The following PSD3 variants were observed in gnomAD, a reference collection of about 807,000 sequenced individuals.
PSD3 encodes the protein PH and SEC7 domain-containing protein 3.
PSD3 carries 49 observed loss-of-function variants against 105.5 expected under a neutral mutation model. That is an observed-to-expected ratio of 0.46 (90% CI 0.37 to 0.59). The LOEUF is 0.59. Among genes scored for constraint, PSD3 ranks in the 20% least tolerant of loss-of-function variants. The pLI, the probability that PSD3 is intolerant of heterozygous loss-of-function variation, is 0.00. For missense variants in PSD3, 1,561 were observed against 1,263.8 expected (o/e 1.24, Z -3.57); for synonymous variants, 557 against 457.8 (o/e 1.22, Z -2.77).
At chr8:19,060,378 T>C (rs1200866978) in intron 1 of PSD3, among the ~76,000 whole-genome samples, 2 of 152,244 alleles carry the variant, frequency 1.3e-5, no homozygotes, top group East Asian at 1.9e-4. Flanking sequence ...TTTCCTTATA[T>C]CTGTAACCAC....
chr8:18,741,298 C>T (rs1349509312), intron 9 of PSD3, among the ~76,000 whole-genome samples: 2 of 152,094 alleles, frequency 1.3e-5, no homozygotes, highest in East Asian at 3.9e-4. Flanking sequence ...AGAAAGTGGA[C>T]TCTGAAAGCC....
intron 9 of PSD3, 23 bp from the exon 10 acceptor site, chr8:18,655,708 C>T: frequency 6.2e-7 from 1 of 1,605,662 alleles, no homozygotes; most frequent in Non-Finnish European, 8.5e-7. Context: ...AAAATGAGAT[C>T]ACATTATTCT....
At chr8:18,851,507 C>G (rs887051398) in intron 4 of PSD3, among the ~76,000 whole-genome samples, 1 of 152,252 alleles carries the variant, frequency 6.6e-6, no homozygotes, top group African/African-American at 2.4e-5. Context: ...GACCAGCCCT[C>G]TGCTACGAGG....
chr8:18,902,173 C>A (rs1269419896), intron 2 of PSD3, among the ~76,000 whole-genome samples: 1 of 152,148 alleles, frequency 6.6e-6, no homozygotes, highest in African/African-American at 2.4e-5. Context: ...TTTCCTTCTG[C>A]AAATCCCATA....
intron 11 of PSD3, among the ~76,000 whole-genome samples, chr8:18,600,951 T>C (rs1185531557): frequency 1.3e-5 from 2 of 152,186 alleles, no homozygotes; most frequent in East Asian, 3.8e-4. Flanking sequence ...AGTTTAAATG[T>C]TATTACTCCT....
chr8:18,737,842 T>C (rs775525771), intron 9 of PSD3, among the ~76,000 whole-genome samples: 12 of 152,162 alleles, frequency 7.9e-5, no homozygotes, highest in Non-Finnish European at 1.5e-4. Context: ...TACTTCTAAC[T>C]TTGATTTTGA....
At chr8:18,628,195 T>C (rs1806633171) in intron 11 of PSD3, among the ~76,000 whole-genome samples, 1 of 151,670 alleles carries the variant, frequency 6.6e-6, no homozygotes, top group Admixed American at 6.6e-5. Context: ...TAAGAAATAA[T>C]GGCTGAAAAA....
intron 1 of PSD3, among the ~76,000 whole-genome samples, chr8:19,062,297 G>A (rs1041453950): frequency 3.9e-5 from 6 of 152,162 alleles, no homozygotes; most frequent in African/African-American, 1.4e-4. Context: ...AGGCAGACTG[G>A]TGTTCCTCTC....
At chr8:19,040,394 G>C (rs1276399369) in intron 1 of PSD3, among the ~76,000 whole-genome samples, 1 of 151,960 alleles carries the variant, frequency 6.6e-6, no homozygotes, top group African/African-American at 2.4e-5. Context: ...TTGTAGAGAC[G>C]GGGGTCTTGC....
intron 4 of PSD3, among the ~76,000 whole-genome samples, chr8:18,825,903 T>C (rs1373867990): frequency 1.3e-5 from 2 of 152,180 alleles, no homozygotes; most frequent in Non-Finnish European, 2.9e-5. Flanking sequence ...ATTTTACGTG[T>C]CAACTTGACT....
At chr8:18,722,696 G>T (rs1027155211) in intron 9 of PSD3, among the ~76,000 whole-genome samples, 2 of 152,100 alleles carry the variant, frequency 1.3e-5, no homozygotes, top group African/African-American at 4.8e-5. Flanking sequence ...AGCAATAATG[G>T]ATGAGGGAGA....
intron 12 of PSD3, among the ~76,000 whole-genome samples, chr8:18,584,424 C>A (rs2035683): frequency 6.6e-6 from 1 of 152,098 alleles, no homozygotes; most frequent in African/African-American, 2.4e-5. Flanking sequence ...CTTAAGAAGA[C>A]ACTAATGGGA....
At chr8:19,035,070 A>G (rs1448701718) in intron 1 of PSD3, among the ~76,000 whole-genome samples, 1 of 152,218 alleles carries the variant, frequency 6.6e-6, no homozygotes, top group Non-Finnish European at 1.5e-5. Flanking sequence ...ATTTTTGACT[A>G]TCAGATTCAG....
At chr8:18,986,559 CAA>C (rs1032265758) in intron 1 of PSD3, among the ~76,000 whole-genome samples, 28 of 73,694 alleles carry the variant, frequency 3.8e-4, no homozygotes, top group Admixed American at 7.2e-4. Context: ...ATGGTCTCAG[CAA>C]AAAAAAAAAA....
At chr8:18,719,603 C>T (rs543068357) in intron 9 of PSD3, among the ~76,000 whole-genome samples, 9 of 152,216 alleles carry the variant, frequency 5.9e-5, no homozygotes, top group African/African-American at 1.7e-4. Flanking sequence ...TTAGCTGAGC[C>T]CCTTGTTCAA....
At chr8:18,840,769 G>A (rs1411323186) in intron 4 of PSD3, among the ~76,000 whole-genome samples, 1 of 152,078 alleles carries the variant, frequency 6.6e-6, no homozygotes, top group East Asian at 1.9e-4. Context: ...GGCCAGTGTG[G>A]GACAGCAGAT....
chr8:18,790,175 A>T (rs1809565139), intron 8 of PSD3, among the ~76,000 whole-genome samples: 2 of 152,196 alleles, frequency 1.3e-5, no homozygotes, highest in Non-Finnish European at 2.9e-5. Flanking sequence ...GTGCATGATT[A>T]AACTATGGCA....
intron 1 of PSD3, among the ~76,000 whole-genome samples, chr8:19,060,963 C>T (rs1828877385): frequency 6.6e-6 from 1 of 152,186 alleles, no homozygotes; most frequent in African/African-American, 2.4e-5. Context: ...CTCCTACCTT[C>T]TCTGACTGGC....
intron 11 of PSD3, among the ~76,000 whole-genome samples, chr8:18,611,410 A>G (rs1300737601): frequency 6.6e-6 from 1 of 152,186 alleles, no homozygotes; most frequent in Non-Finnish European, 1.5e-5. Flanking sequence ...ACAACAGTTA[A>G]AACACATAAT....
Sources: gnomAD v4.1 joint callset for allele counts (sites outside exome capture counted in the v4.1 genomes callset) on GRCh38, gnomAD v4.1.1 for gene constraint, MANE v1.5 for transcripts, NCBI Gene and HGNC (gene_info 2026-07-23, HGNC 2026-07-21) for gene names.